The following UHRF2 variants were observed in gnomAD, a reference collection of about 807,000 sequenced individuals.
The protein encoded by UHRF2 is E3 ubiquitin-protein ligase UHRF2.
Under a neutral mutation model 96.8 loss-of-function variants are expected in UHRF2, and 23 were observed. The observed-to-expected ratio is 0.24, with a 90% CI of 0.17 to 0.34. UHRF2 has a LOEUF of 0.34. Among genes scored for constraint, UHRF2 ranks in the 10% least tolerant of loss-of-function variants. The pLI is 1.00. For missense variants in UHRF2, 685 were observed against 981.5 expected, an observed-to-expected ratio of 0.70 and a Z score of 4.04; for synonymous variants, 385 against 332.6, an observed-to-expected ratio of 1.16 and a Z score of -1.72.
At chr9:6,421,227 G>T in intron 2 of UHRF2, 85 bp downstream of exon 2, 3 of 1,030,360 alleles carry the variant, frequency 2.9e-6, no homozygotes, top group Non-Finnish European at 4.2e-6. Context: ...AGTAAACATT[G>T]ATTGCCATTT....
At chr9:6,431,526 C>T (rs995088032) in intron 2 of UHRF2, among the ~76,000 whole-genome samples, 1 of 151,876 alleles carries the variant, frequency 6.6e-6, no homozygotes, top group Non-Finnish European at 1.5e-5. Flanking sequence ...TAGGAGGCTG[C>T]GGAGAGCTGT....
intron 1 of UHRF2, among the ~76,000 whole-genome samples, chr9:6,420,388 C>G (rs1265127599): frequency 1.4e-5 from 2 of 145,380 alleles, no homozygotes; most frequent in Non-Finnish European, 3.0e-5. Flanking sequence ...GCAGTGTTCT[C>G]TGTAGTGAAT....
chr9:6,478,205 T>G (rs1183128109), intron 6 of UHRF2, among the ~76,000 whole-genome samples: 7 of 152,232 alleles, frequency 4.6e-5, no homozygotes. Flanking sequence ...AGATTAAATA[T>G]CTTTCAACTC....
At chr9:6,437,163 C>A (rs1181671767) in intron 3 of UHRF2, among the ~76,000 whole-genome samples, 1 of 152,174 alleles carries the variant, frequency 6.6e-6, no homozygotes, top group African/African-American at 2.4e-5. Context: ...CAAACAAGTT[C>A]TTCTTTGAAT....
chr9:6,458,102 C>T (rs966469208), intron 3 of UHRF2, among the ~76,000 whole-genome samples: 1 of 152,162 alleles, frequency 6.6e-6, no homozygotes, highest in African/African-American at 2.4e-5. Flanking sequence ...CCTCTTTGTA[C>T]CTCTGGTAGA....
chr9:6,471,939 G>T (rs1407641283), intron 4 of UHRF2, among the ~76,000 whole-genome samples: 1 of 152,182 alleles, frequency 6.6e-6, no homozygotes, highest in Non-Finnish European at 1.5e-5. Context: ...ATAGCCAAAA[G>T]ATTTCAGTAA....
At chr9:6,448,978 C>T (rs1821689134) in intron 3 of UHRF2, among the ~76,000 whole-genome samples, 1 of 152,202 alleles carries the variant, frequency 6.6e-6, no homozygotes, top group Non-Finnish European at 1.5e-5. Context: ...GAGCCCATCA[C>T]CTTGCTTTAA....
intron 9 of UHRF2, among the ~76,000 whole-genome samples, chr9:6,487,649 G>T (rs535569114): frequency 6.6e-6 from 1 of 152,170 alleles, no homozygotes; most frequent in Non-Finnish European, 1.5e-5. Flanking sequence ...TTACAGGCGT[G>T]AGCCACCACA....
intron 3 of UHRF2, among the ~76,000 whole-genome samples, chr9:6,451,300 A>T (rs892457329): frequency 6.6e-6 from 1 of 152,088 alleles, no homozygotes; most frequent in African/African-American, 2.4e-5. Context: ...AGTTTCGTTC[A>T]TTATGCTTTT....
intron 2 of UHRF2, among the ~76,000 whole-genome samples, chr9:6,423,875 G>A (rs1250319291): frequency 2.6e-5 from 4 of 151,992 alleles, no homozygotes; most frequent in South Asian, 2.1e-4. Flanking sequence ...AACTTGGAGG[G>A]CAGAGGTTGC....
intron 8 of UHRF2, among the ~76,000 whole-genome samples, chr9:6,483,531 C>T (rs1364387321): frequency 6.6e-6 from 1 of 152,050 alleles, no homozygotes; most frequent in African/African-American, 2.4e-5. Context: ...ACAGACACAG[C>T]CGTCTGTTTA....
intron 2 of UHRF2, among the ~76,000 whole-genome samples, chr9:6,425,369 G>C (rs1820193618): frequency 6.6e-6 from 1 of 152,064 alleles, no homozygotes; most frequent in South Asian, 2.1e-4. Context: ...TTACTTTCTG[G>C]CACTACAACA....
intron 14 of UHRF2, among the ~76,000 whole-genome samples, chr9:6,504,015 CTTTTTTT>C (rs35325264): frequency 1.4e-4 from 11 of 78,942 alleles, no homozygotes; most frequent in East Asian, 7.2e-4. Flanking sequence ...AAATAGAAGA[CTTTTTTT>C]TTTTTTTTTT....
At chr9:6,449,225 A>G (rs1821706109) in intron 3 of UHRF2, 1 of 152,198 alleles carries the variant, frequency 6.6e-6, no homozygotes, top group Non-Finnish European at 1.5e-5. Context: ...ACTCTGCCAC[A>G]GTGTTTGAAG....
chr9:6,486,829 A>G lies in UHRF2; in HGVS notation c.1401A>G (p.Glu467=). The change falls in exon 9 of 16, where the codon GAA becomes GAG. Residue 467 remains glutamate, a synonymous_variant. Coordinates refer to ENST00000276893, the MANE Select transcript of UHRF2 (RefSeq NM_152896.3). ...CTTTAATTGTTTTATAGGTGAGCGA[A>G]GCAGGTGTTCACAGACCCCATGTTG... The part of the protein sequence containing the change: ...STWRFRVQVS[E]AGVHRPHVGG... 3.1e-6 allele frequency: 5 copies of G among 1,614,110 alleles called. No homozygotes were observed. The highest frequency in any genetic ancestry group is 4.2e-6 in the Non-Finnish European group (5 of 1,179,982).
chr9:6,477,561 G>A, intron 5 of UHRF2, 61 bp from the exon 6 acceptor site: 1 of 1,443,796 alleles, frequency 6.9e-7, no homozygotes, highest in Non-Finnish European at 9.3e-7. Context: ...TTTTCTTTAT[G>A]AGATTCATAG....
At chr9:6,492,832 C>CTTTTTTTTT (rs34371545) in intron 9 of UHRF2, 43 of 89,426 alleles carry the variant, frequency 4.8e-4, no homozygotes, top group East Asian at 1.1e-3. Context: ...GAGCTTTTGG[C>CTTTTTTTTT]TTTTTTTTTT....
Position 6,506,169 on chromosome 9 carries a change from A to G in UHRF2, c.2399A>G (p.Lys800Arg). ...LLDLFFPGYSKGR is the reference protein window; with the variant it reads ...LLDLFFPGYSRGR ...GACCTTTTCTTCCCTGGCTACAGCA[A>G]AGGACGATGATCTGCCTGCTTTCAC... The change falls in exon 16 of 16, where the codon AAA (lysine) becomes AGA (arginine). Residue 800 changes from lysine (K) to arginine (R), a missense_variant. Coordinates refer to ENST00000276893, the MANE Select transcript of UHRF2 (RefSeq NM_152896.3). The G allele has an allele frequency of 1.2e-6, 2 of 1,614,110 alleles. No homozygotes were observed. The highest frequency in any genetic ancestry group is 1.7e-6 in the Non-Finnish European group (2 of 1,179,996).
chr9:6,474,380 C>T (rs1466875392), intron 4 of UHRF2, among the ~76,000 whole-genome samples: 1 of 152,120 alleles, frequency 6.6e-6, no homozygotes, highest in Admixed American at 6.5e-5. Flanking sequence ...CTTCTTAAAT[C>T]TGTAGCTAAT....
Sources: gnomAD v4.1 joint callset for allele counts (sites outside exome capture counted in the v4.1 genomes callset) on GRCh38, gnomAD v4.1.1 for gene constraint, MANE v1.5 for transcripts, NCBI Gene and HGNC (gene_info 2026-07-23, HGNC 2026-07-21) for gene names.